NWD2: variants seen among roughly 807,000 people sequenced by gnomAD.
NWD2 encodes NACHT and WD repeat domain containing 2.
NWD2 carries 37 observed loss-of-function variants against 132.7 expected under a neutral mutation model. That is an observed-to-expected ratio of 0.28 (90% CI 0.21 to 0.37). The LOEUF (loss-of-function observed/expected upper bound fraction) is 0.37. NWD2 is among the 10% of genes least tolerant of loss of function. NWD2 has a pLI of 1.00. For synonymous variants in NWD2, 705 were observed against 803.0 expected, an observed-to-expected ratio of 0.88 and a Z score of 2.06; for missense variants, 1,592 against 2,122.4, an observed-to-expected ratio of 0.75 and a Z score of 4.91.
intron 3 of NWD2, among the ~76,000 whole-genome samples, chr4:37,429,505 G>A (rs891298407): frequency 6.6e-6 from 1 of 151,978 alleles, no homozygotes; most frequent in East Asian, 1.9e-4. Context: ...CAGTAGAGAC[G>A]GGGTTTCATC....
chr4:37,307,726 A>G (rs1718740545), intron 1 of NWD2, among the ~76,000 whole-genome samples: 1 of 152,008 alleles, frequency 6.6e-6, no homozygotes, highest in Non-Finnish European at 1.5e-5. Context: ...TCTTTTTCCC[A>G]TCTCTTCCTC....
intron 3 of NWD2, among the ~76,000 whole-genome samples, chr4:37,404,883 C>T (rs1467201850): frequency 1.3e-5 from 2 of 152,166 alleles, no homozygotes; most frequent in Non-Finnish European, 2.9e-5. Flanking sequence ...AGAACTCACT[C>T]ACTATCATGA....
chr4:37,361,321 C>T (rs979041419), intron 3 of NWD2, among the ~76,000 whole-genome samples: 1 of 152,076 alleles, frequency 6.6e-6, no homozygotes, highest in Non-Finnish European at 1.5e-5. Flanking sequence ...CCAACTCATT[C>T]TTAAAAACCA....
At chr4:37,347,959 T>A (rs1398755698) in intron 2 of NWD2, among the ~76,000 whole-genome samples, 1 of 152,202 alleles carries the variant, frequency 6.6e-6, no homozygotes, top group Non-Finnish European at 1.5e-5. Flanking sequence ...TTTTGATAAG[T>A]TATTGGCATA....
At chr4:37,273,212 T>C (rs578237479) in intron 1 of NWD2, among the ~76,000 whole-genome samples, 3 of 151,842 alleles carry the variant, frequency 2.0e-5, no homozygotes, top group African/African-American at 7.2e-5. Context: ...GCATTTTCAT[T>C]ATGTCATTCC....
chr4:37,246,760 G>A (rs745362564), intron 1 of NWD2, among the ~76,000 whole-genome samples: 2 of 152,178 alleles, frequency 1.3e-5, no homozygotes, highest in Non-Finnish European at 2.9e-5. Flanking sequence ...CATGTGAAAT[G>A]TGTTTCAATC....
chr4:37,438,096 C>T (rs2109328803), intron 5 of NWD2, among the ~76,000 whole-genome samples: 1 of 152,038 alleles, frequency 6.6e-6, no homozygotes, highest in South Asian at 2.1e-4. Flanking sequence ...CCCATCTCTA[C>T]TAAAAATACA....
At chr4:37,388,226 C>T (rs1006549184) in intron 3 of NWD2, among the ~76,000 whole-genome samples, 5 of 152,066 alleles carry the variant, frequency 3.3e-5, no homozygotes, top group African/African-American at 1.2e-4. Context: ...CTCTGTTGCC[C>T]AGACTGGAGT....
chr4:37,360,523 C>T (rs1560403928), intron 3 of NWD2, among the ~76,000 whole-genome samples: 1 of 152,120 alleles, frequency 6.6e-6, no homozygotes, highest in African/African-American at 2.4e-5. Context: ...TGACTAAAAG[C>T]TTTACCTATC....
At chr4:37,428,768 G>A (rs1439951143) in intron 3 of NWD2, among the ~76,000 whole-genome samples, 1 of 152,228 alleles carries the variant, frequency 6.6e-6, no homozygotes, top group Non-Finnish European at 1.5e-5. Flanking sequence ...GTCTCACTAT[G>A]TTGCCCAGGC....
chr4:37,306,782 G>A (rs1319124195), intron 1 of NWD2, among the ~76,000 whole-genome samples: 3 of 152,124 alleles, frequency 2.0e-5, no homozygotes. Context: ...CAGCACATTT[G>A]GAGGCCAAAG....
chr4:37,258,777 A>C (rs1717375849), intron 1 of NWD2, among the ~76,000 whole-genome samples: 1 of 152,140 alleles, frequency 6.6e-6, no homozygotes, highest in Admixed American at 6.5e-5. Context: ...TTTTGCTGAG[A>C]TTTTTTTAAA....
At chr4:37,271,038 A>G (rs1348740166) in intron 1 of NWD2, among the ~76,000 whole-genome samples, 4 of 151,842 alleles carry the variant, frequency 2.6e-5, no homozygotes, top group African/African-American at 9.7e-5. Flanking sequence ...GCTTTGTTGA[A>G]AATCAGTTCA....
At chr4:37,406,542 A>G (rs781439667) in intron 3 of NWD2, among the ~76,000 whole-genome samples, 3 of 152,216 alleles carry the variant, frequency 2.0e-5, no homozygotes, top group Non-Finnish European at 2.9e-5. Context: ...AAACCAACCC[A>G]AATGCCCATG....
At chr4:37,393,273 A>C (rs1720716557) in intron 3 of NWD2, among the ~76,000 whole-genome samples, 1 of 152,188 alleles carries the variant, frequency 6.6e-6, no homozygotes, top group Non-Finnish European at 1.5e-5. Context: ...GCTATGAATA[A>C]TCATCATTTT....
chr4:37,429,665 A>G (rs1393597868), intron 3 of NWD2, among the ~76,000 whole-genome samples: 1 of 152,208 alleles, frequency 6.6e-6, no homozygotes, highest in African/African-American at 2.4e-5. Flanking sequence ...TTCACTTAAC[A>G]TATACTTGTA....
At chr4:37,403,429 G>A (rs193174455) in intron 3 of NWD2, among the ~76,000 whole-genome samples, 1 of 152,152 alleles carries the variant, frequency 6.6e-6, no homozygotes, top group Non-Finnish European at 1.5e-5. Flanking sequence ...AAGATCTAGG[G>A]GCCCCAGGGA....
intron 6 of NWD2, among the ~76,000 whole-genome samples, chr4:37,442,306 G>A (rs1486991421): frequency 3.3e-5 from 5 of 152,196 alleles, no homozygotes; most frequent in African/African-American, 9.7e-5. Flanking sequence ...ACTCATTGGA[G>A]TATTTTATGC....
chr4:37,294,433 A>G (rs1718436773), intron 1 of NWD2, among the ~76,000 whole-genome samples: 2 of 152,138 alleles, frequency 1.3e-5, no homozygotes, highest in African/African-American at 2.4e-5. Context: ...GTAGGACTAC[A>G]TGCTGACTTG....
Sources: allele counts gnomAD v4.1 joint callset (sites outside exome capture counted in the v4.1 genomes callset), GRCh38; gene constraint gnomAD v4.1.1; transcripts MANE v1.5; gene names NCBI Gene and HGNC (gene_info 2026-07-23, HGNC 2026-07-21).